The following PIK3R5 variants were observed in gnomAD, a reference collection of about 807,000 sequenced individuals.
The protein encoded by PIK3R5 is phosphoinositide 3-kinase regulatory subunit 5.
PIK3R5 carries 32 observed loss-of-function variants against 94.9 expected under a neutral mutation model. That is an observed-to-expected ratio of 0.34 (90% CI 0.25 to 0.45). The LOEUF is 0.45. Among genes scored for constraint, PIK3R5 ranks in the 20% least tolerant of loss-of-function variants. The pLI is 1.00. For synonymous variants in PIK3R5, 443 were observed against 479.4 expected, an observed-to-expected ratio of 0.92 and a Z score of 0.99; for missense variants, 853 against 1,144.6, an observed-to-expected ratio of 0.75 and a Z score of 3.68.
At position 8,909,311 on chromosome 17, in the gene PIK3R5, G is replaced by A. The variant is rs1056327464; in HGVS notation, c.104-137C>T. The A allele has an allele frequency of 1.2e-5, 7 of 585,882 alleles. No homozygotes were observed. Among genetic ancestry groups the A allele is most frequent in the African/African-American group, 1.1e-4 (6 of 52,974 alleles). The allele number at this position is 585,882 out of a possible 1,614,324, so 36.3% of individuals were successfully genotyped here. ...CTGGAACACTCTTTTTTTTTTTTGA[G>A]ACAGAGTCTTGCTCTGTCGCCAGGC... On this transcript the variant is annotated intron_variant, in intron 2 of 18. Coordinates refer to ENST00000447110, the MANE Select transcript of PIK3R5 (RefSeq NM_001142633.3). This position sits in a 1 kb window ranked among gnomAD's most constrained non-coding sequence, Gnocchi z 4.3.
rs2089986577 is a variant in PIK3R5, at chr17:8,890,093, T to C, written c.691A>G (p.Thr231Ala). 6.2e-7 allele frequency: 1 copy of C among 1,613,974 alleles called. No homozygotes were observed. The highest frequency in any genetic ancestry group is 8.5e-7 in the Non-Finnish European group (1 of 1,179,972). Reference sequence around the variant, plus strand: ...AGCTCCTGTGCCTCTGCGGTCTCCGTGAAGATGTCCTCAAGCTCTGCCAGG... The same window carrying C: ...AGCTCCTGTGCCTCTGCGGTCTCCGCGAAGATGTCCTCAAGCTCTGCCAGG... ...KTLAELEDIF[T>A]ETAEAQELAS... Residue 231 changes from threonine to alanine, a missense_variant, in exon 8 of 19, where the codon ACG becomes GCG. Transcript: ENST00000447110. This position sits in a 1 kb window ranked among gnomAD's most constrained non-coding sequence, Gnocchi z 6.1.
At chr17:8,905,537 C>T (rs1229730943) in intron 4 of PIK3R5, 132 bp downstream of exon 4, 1 of 588,330 alleles carries the variant, frequency 1.7e-6, no homozygotes, top group Middle Eastern at 4.9e-4. Flanking sequence ...AGGGTTGAAA[C>T]CCATTTCACA....
Position 8,955,750 on chromosome 17 carries a change from G to A in PIK3R5, c.-14+9846C>T, listed in dbSNP as rs2091456618. Among the ~76,000 whole-genome samples, 1 of 152,136 alleles carries A rather than the reference G, an allele frequency of 6.6e-6. No homozygotes were observed. The highest frequency in any genetic ancestry group is 6.5e-5 in the Admixed American group (1 of 15,274). Reference sequence around the variant, plus strand: ...GTGGGGAACAAGGAAGATGGAGGGAGGACTCGGAGATGAGTCCAAGGTTTC... The same window carrying A: ...GTGGGGAACAAGGAAGATGGAGGGAAGACTCGGAGATGAGTCCAAGGTTTC... On this transcript the variant is annotated intron_variant, in intron 1 of 18. Transcript: ENST00000447110. This position sits in a 1 kb window ranked among gnomAD's most constrained non-coding sequence, Gnocchi z 4.4.
In PIK3R5 at chr17:8,911,247, C is replaced by G. The variant is rs184513607; in HGVS notation, c.103+145G>C. The G allele has an allele frequency of 1.6e-6, 1 of 640,908 alleles. No homozygotes were observed. Among genetic ancestry groups the G allele is most frequent in the Admixed American group, 2.6e-5 (1 of 38,706 alleles). 39.7% of individuals were successfully genotyped at this position (640,908 alleles called of 1,614,324 possible). A position where few individuals can be genotyped will look rare whatever the true frequency, so the allele number is the denominator to read the frequency against. Reference sequence around the variant, plus strand: ...CATCAAGTGCTGCGCCAGGCACCTGCCCAGGAGAAGGCTGAGGCTTGCCCA... The same window carrying G: ...CATCAAGTGCTGCGCCAGGCACCTGGCCAGGAGAAGGCTGAGGCTTGCCCA... On this transcript the variant is annotated intron_variant, in intron 2 of 18. Transcript: ENST00000447110. This position sits in a 1 kb window ranked among gnomAD's most constrained non-coding sequence, Gnocchi z 5.3.
chr17:8,881,475 CCTCT>C lies in PIK3R5; in HGVS notation c.2382+151_2382+154del, dbSNP rs879037686. Reference sequence around the variant, plus strand: ...ACCCTGCCTCTCCTCCCCCACCTCTCCTCTCTCTCTCACACACACACAAGTATGT... The same window carrying C: ...ACCCTGCCTCTCCTCCCCCACCTCTCCTCTCTCACACACACACAAGTATGT... On this transcript the variant is annotated intron_variant, in intron 17 of 18. Transcript: ENST00000447110. The surrounding 1 kb of genome is among the most constrained non-coding windows in gnomAD (Gnocchi z 4.8). Among the ~76,000 whole-genome samples the C allele has an allele frequency of 5.3e-4, 80 of 152,172 alleles. No individual in the cohort carries two copies. The highest frequency in any genetic ancestry group is 2.7e-3 in the South Asian group (13 of 4,826).
At chr17:8,931,297 G>A (rs1186312040) in intron 1 of PIK3R5, among the ~76,000 whole-genome samples, 1 of 152,144 alleles carries the variant, frequency 6.6e-6, no homozygotes. Context: ...ATATTCGAGA[G>A]TCCACCCAAA....
chr17:8,919,742 T>C (rs2090697233), intron 1 of PIK3R5, among the ~76,000 whole-genome samples: 1 of 152,166 alleles, frequency 6.6e-6, no homozygotes, highest in Non-Finnish European at 1.5e-5. Context: ...TTAAGCACAA[T>C]GAGTTAACAT....
chr17:8,961,994 C>T (rs571845595), intron 1 of PIK3R5, among the ~76,000 whole-genome samples: 2 of 152,236 alleles, frequency 1.3e-5, no homozygotes, highest in African/African-American at 2.4e-5. Context: ...AAAAGCACCT[C>T]GTGGCCACAA....
At position 8,910,209 on chromosome 17, in the gene PIK3R5, C is replaced by G. The variant is rs143397036; in HGVS notation, c.104-1035G>C. ...GTGGAAATGGATTGAACTTGAACTT[C>G]GTGGAGCTCAAGCTCCAGGACCTCT... On this transcript the variant is annotated intron_variant, in intron 2 of 18. Coordinates refer to ENST00000447110, the MANE Select transcript of PIK3R5 (RefSeq NM_001142633.3). 7.2e-4 allele frequency among the ~76,000 whole-genome samples: 110 copies of G among 152,280 alleles called. 1 individual carries two copies. The highest frequency in any genetic ancestry group is 9.6e-4 in the Non-Finnish European group (65 of 68,018).
At chr17:8,902,069 TA>T (rs143707146) in intron 5 of PIK3R5, among the ~76,000 whole-genome samples, 2,386 of 151,626 alleles carry the variant, frequency 0.016, 63 homozygotes, top group African/African-American at 0.054. Context: ...GCCAATTTGA[TA>T]GGGGGGGAAG....
chr17:8,881,239 T>G lies in PIK3R5; in HGVS notation c.2383-222A>C, dbSNP rs1048426023. ...GCATCTGGAAGAAGCAAGTGCCCCC[T>G]GAGGAGACATTGCCCTGCCTGCTGC... On this transcript the variant is annotated intron_variant, in intron 17 of 18. Transcript: ENST00000447110. This position sits in a 1 kb window ranked among gnomAD's most constrained non-coding sequence, Gnocchi z 4.8. 4.6e-5 allele frequency among the ~76,000 whole-genome samples: 7 copies of G among 152,116 alleles called. No individual in the cohort carries two copies. Among genetic ancestry groups the G allele is most frequent in the African/African-American group, 1.7e-4 (7 of 41,420 alleles).
intron 1 of PIK3R5, among the ~76,000 whole-genome samples, chr17:8,921,772 T>A (rs1172935409): frequency 6.6e-6 from 1 of 152,122 alleles, no homozygotes; most frequent in Admixed American, 6.5e-5. Flanking sequence ...CCATAAAAAA[T>A]TAATTCAAAA....
chr17:8,923,644 C>A (rs2090798640), intron 1 of PIK3R5, among the ~76,000 whole-genome samples: 1 of 152,318 alleles, frequency 6.6e-6, no homozygotes, highest in Non-Finnish European at 1.5e-5. Flanking sequence ...CAACCGAATT[C>A]TTTGGGCACC....
Position 8,887,483 on chromosome 17 carries a change from C to G in PIK3R5, c.1779+38G>C, listed in dbSNP as rs371752541. On this transcript the variant is annotated intron_variant, in intron 11 of 18. Transcript: ENST00000447110. The stretch of plus-strand genomic sequence containing the variant: ...CGGCTTCCTTCAGGTAGCCAGAACT[C>G]TACTTTCCCCGACCATTGGCCCAGG... 1.4e-5 allele frequency: 22 copies of G among 1,571,648 alleles called. No individual in the cohort carries two copies. The Middle Eastern group carries it at 5.1e-4, about 36-fold the overall frequency.
At chr17:8,908,663 C>T (rs1302065504) in intron 3 of PIK3R5, among the ~76,000 whole-genome samples, 3 of 152,016 alleles carry the variant, frequency 2.0e-5, no homozygotes, top group Admixed American at 2.0e-4. Flanking sequence ...CAGCACTAAA[C>T]CCATTCCTCT....
intron 1 of PIK3R5, among the ~76,000 whole-genome samples, chr17:8,913,299 T>A (rs929468167): frequency 1.3e-5 from 2 of 152,320 alleles, no homozygotes; most frequent in East Asian, 1.9e-4. Context: ...ATTAGCTTGC[T>A]GAGAACCTGG....
rs780757056 is a variant in PIK3R5 at position 8,886,210 on chromosome 17, C to T, written c.2128+19G>A. On this transcript the variant is annotated intron_variant, in intron 14 of 18. Coordinates refer to ENST00000447110, the MANE Select transcript of PIK3R5 (RefSeq NM_001142633.3). ...CCAGGCCCCGCCTCACCGTCTGTCTCTGCTCAGGCAGTACCCACCTGACGC... is the reference window on the plus strand; with the variant it reads ...CCAGGCCCCGCCTCACCGTCTGTCTTTGCTCAGGCAGTACCCACCTGACGC... The T allele has an allele frequency of 1.3e-6, 2 of 1,592,594 alleles. No homozygotes were observed. The highest frequency in any genetic ancestry group is 2.2e-5 in the East Asian group (1 of 44,808).
chr17:8,885,971 T>C (rs1478063738), intron 14 of PIK3R5, among the ~76,000 whole-genome samples: 2 of 143,208 alleles, frequency 1.4e-5, no homozygotes, highest in African/African-American at 5.3e-5. Flanking sequence ...CGCCCTCTCA[T>C]GGCCCTGCCT....
chr17:8,939,324 T>C (rs2091132864), intron 1 of PIK3R5, among the ~76,000 whole-genome samples: 1 of 152,174 alleles, frequency 6.6e-6, no homozygotes, highest in African/African-American at 2.4e-5. Context: ...CATGGGACCA[T>C]TCAGCAGTCT....
Sources: allele counts gnomAD v4.1 joint callset (sites outside exome capture counted in the v4.1 genomes callset), GRCh38; gene constraint gnomAD v4.1.1; non-coding constraint Gnocchi (gnomAD v3.1); transcripts MANE v1.5; gene names NCBI Gene and HGNC (gene_info 2026-07-23, HGNC 2026-07-21).